GPR139: variants seen among roughly 807,000 people sequenced by gnomAD.
GPR139 encodes the protein probable G protein-coupled receptor 139.
In GPR139, 12 loss-of-function variants were observed where a neutral mutation model predicts 25.8. The ratio of observed to expected loss-of-function variants is 0.47; its 90% CI spans 0.30 to 0.75. The LOEUF (loss-of-function observed/expected upper bound fraction) is 0.75, where lower values mean the gene tolerates loss of function less well. Ranked by LOEUF, GPR139 falls within the 30% of genes least tolerant of loss-of-function variation. GPR139 has a pLI of 0.07. For synonymous variants in GPR139, 184 were observed against 179.9 expected, an observed-to-expected ratio of 1.02 and a Z score of -0.18; for missense variants, 380 against 450.2, an observed-to-expected ratio of 0.84 and a Z score of 1.41.
Position 20,030,843 on chromosome 16 carries a change from A to C in GPR139, c.*892T>G, listed in dbSNP as rs1327282225. On this transcript the variant is annotated 3_prime_UTR_variant, in exon 2 of 2. Coordinates refer to ENST00000570682, the MANE Select transcript of GPR139 (RefSeq NM_001002911.4). ...AAGGAGGCAGGGTTGGCAACTTGAC[A>C]CGTAAAAAGGCTTCTCTAGGAAGCT... Among the ~76,000 whole-genome samples the C allele has an allele frequency of 6.6e-6, 1 of 152,234 alleles. No individual in the cohort carries two copies. The highest frequency in any genetic ancestry group is 1.9e-4 in the East Asian group (1 of 5,186).
intron 1 of GPR139, among the ~76,000 whole-genome samples, chr16:20,056,909 G>A (rs931620874): frequency 1.1e-4 from 16 of 152,196 alleles, no homozygotes; most frequent in Admixed American, 3.9e-4. Flanking sequence ...TAAGTTAGGT[G>A]TGGGGTGTAG....
At chr16:20,062,786 T>C (rs1369154164) in intron 1 of GPR139, among the ~76,000 whole-genome samples, 1 of 152,242 alleles carries the variant, frequency 6.6e-6, no homozygotes, top group Non-Finnish European at 1.5e-5. Flanking sequence ...AGAAGATAAT[T>C]TTAACAATAT....
intron 1 of GPR139, among the ~76,000 whole-genome samples, chr16:20,043,862 G>A (rs2057344985): frequency 6.6e-6 from 1 of 152,184 alleles, no homozygotes; most frequent in African/African-American, 2.4e-5. Flanking sequence ...CAAACAATGA[G>A]CAGAGGAGTT....
chr16:20,030,246 G>C lies in GPR139; in HGVS notation c.*1489C>G, dbSNP rs1035877603. On this transcript the variant is annotated 3_prime_UTR_variant, in exon 2 of 2. Coordinates refer to ENST00000570682, the MANE Select transcript of GPR139 (RefSeq NM_001002911.4). ...ACAAAATGCAGTAAAAATCCAGCCT[G>C]AGGAACTAAATATTCCAGGTGGACT... Among the ~76,000 whole-genome samples the C allele has an allele frequency of 2.6e-5, 4 of 152,300 alleles. No individual in the cohort carries two copies. Among genetic ancestry groups the C allele is most frequent in the Non-Finnish European group, 1.5e-5 (1 of 68,026 alleles).
rs141246456 is a variant in GPR139 at position 20,030,380 on chromosome 16, T to TA, written c.*1354dup. Among the ~76,000 whole-genome samples the TA allele has an allele frequency of 0.044, 6,421 of 147,248 alleles. 213 individuals carry two copies. The highest frequency in any genetic ancestry group is 0.16 in the East Asian group (786 of 5,030). On this transcript the variant is annotated 3_prime_UTR_variant, in exon 2 of 2. Coordinates refer to ENST00000570682, the MANE Select transcript of GPR139 (RefSeq NM_001002911.4). ...AATACTGGGAATCTGAGGGAGAAGT[T>TA]AAAAAAAAAAGAAGAAAAAAGAAAC...
chr16:20,030,107 G>C lies in GPR139; in HGVS notation c.*1628C>G, dbSNP rs755830381. Among the ~76,000 whole-genome samples, 1 of 152,222 alleles carries C rather than the reference G, an allele frequency of 6.6e-6. No homozygotes were observed. Among genetic ancestry groups the C allele is most frequent in the South Asian group, 2.1e-4 (1 of 4,834 alleles). ...TATGACCTAAGTTTGTATTGAGTTAGTATTGAGAGCATTGGCTGAAGTTTA... is the reference window on the plus strand; with the variant it reads ...TATGACCTAAGTTTGTATTGAGTTACTATTGAGAGCATTGGCTGAAGTTTA... On this transcript the variant is annotated 3_prime_UTR_variant, in exon 2 of 2. Coordinates refer to ENST00000570682, the MANE Select transcript of GPR139 (RefSeq NM_001002911.4).
intron 1 of GPR139, among the ~76,000 whole-genome samples, chr16:20,040,681 G>A (rs1049448857): frequency 6.6e-6 from 1 of 151,898 alleles, no homozygotes. Flanking sequence ...CACTTCTCTC[G>A]TATTCTCACT....
At chr16:20,053,525 C>A (rs1596468763) in intron 1 of GPR139, among the ~76,000 whole-genome samples, 1 of 152,202 alleles carries the variant, frequency 6.6e-6, no homozygotes, top group East Asian at 1.9e-4. Flanking sequence ...ACAGGCTTGG[C>A]TGGCGTGTGG....
At chr16:20,070,250 G>A (rs984805801) in intron 1 of GPR139, among the ~76,000 whole-genome samples, 8 of 152,138 alleles carry the variant, frequency 5.3e-5, no homozygotes, top group Admixed American at 3.3e-4. Flanking sequence ...GGTGTGGCAG[G>A]GATTAAGTGT....
At chr16:20,055,216 C>T (rs763612233) in intron 1 of GPR139, among the ~76,000 whole-genome samples, 55 of 152,274 alleles carry the variant, frequency 3.6e-4, no homozygotes, top group Admixed American at 7.2e-4. Flanking sequence ...GTTTTCTGTT[C>T]CTGTGTTAGT....
chr16:20,068,141 T>G (rs1205120984), intron 1 of GPR139, among the ~76,000 whole-genome samples: 1 of 149,534 alleles, frequency 6.7e-6, no homozygotes, highest in Non-Finnish European at 1.5e-5. Flanking sequence ...TGAGAAGTGG[T>G]GAACAGGAGA....
chr16:20,052,083 A>G (rs1004436084), intron 1 of GPR139, among the ~76,000 whole-genome samples: 6 of 152,102 alleles, frequency 3.9e-5, no homozygotes, highest in African/African-American at 1.4e-4. Context: ...GCTGAAAGAA[A>G]CCACGGTCTT....
At chr16:20,042,102 A>C (rs2057338563) in intron 1 of GPR139, among the ~76,000 whole-genome samples, 1 of 152,212 alleles carries the variant, frequency 6.6e-6, no homozygotes, top group Non-Finnish European at 1.5e-5. Flanking sequence ...ATGGTGAACA[A>C]GTGAGCTGAT....
chr16:20,037,523 G>C (rs995593613), intron 1 of GPR139, among the ~76,000 whole-genome samples: 1 of 151,984 alleles, frequency 6.6e-6, no homozygotes, highest in African/African-American at 2.4e-5. Context: ...TGTGGGAAAA[G>C]GATTCTAGGC....
At chr16:20,038,369 G>GTTTGTGTGTA (rs4028367) in intron 1 of GPR139, among the ~76,000 whole-genome samples, 1 of 133,252 alleles carries the variant, frequency 7.5e-6, no homozygotes, top group Non-Finnish European at 1.6e-5. Context: ...GTGTGTGTGT[G>GTTTGTGTGTA]TATTCTATAG....
intron 1 of GPR139, among the ~76,000 whole-genome samples, chr16:20,057,934 A>T (rs2057396288): frequency 1.3e-5 from 2 of 152,156 alleles, no homozygotes; most frequent in South Asian, 4.1e-4. Context: ...TTTCATGTGC[A>T]TCTCTGTCTT....
rs1312438258 is a variant in GPR139, at chr16:20,073,711, A to C, written c.-95T>G. On this transcript the variant is annotated 5_prime_UTR_variant, in exon 1 of 2. Coordinates refer to ENST00000570682, the MANE Select transcript of GPR139 (RefSeq NM_001002911.4). The surrounding 1 kb of genome is among the most constrained non-coding windows in gnomAD (Gnocchi z 4.7). ...TGGTGGCGGCGGCGGAGGCAGCGGC[A>C]GCTGGAGCAGCAGCGCCTCTCTCCC... 9.2e-6 allele frequency: 13 copies of C among 1,415,986 alleles called. No homozygotes were observed. Among genetic ancestry groups the C allele is most frequent in the Non-Finnish European group, 9.3e-6 (10 of 1,069,928 alleles). 87.7% of individuals were successfully genotyped at this position (1,415,986 alleles called of 1,614,324 possible).
chr16:20,062,072 A>G (rs1212923608), intron 1 of GPR139, among the ~76,000 whole-genome samples: 1 of 152,212 alleles, frequency 6.6e-6, no homozygotes, highest in Non-Finnish European at 1.5e-5. Context: ...GTTTGAGATC[A>G]GCCTGGGCAA....
intron 1 of GPR139, among the ~76,000 whole-genome samples, chr16:20,060,468 C>T (rs750697743): frequency 2.6e-5 from 4 of 151,538 alleles, no homozygotes; most frequent in East Asian, 1.9e-4. Flanking sequence ...TGTGTATGCA[C>T]GCCTGTGTGT....
Sources: allele counts gnomAD v4.1 joint callset (sites outside exome capture counted in the v4.1 genomes callset), GRCh38; gene constraint gnomAD v4.1.1; non-coding constraint Gnocchi (gnomAD v3.1); transcripts MANE v1.5; gene names NCBI Gene and HGNC (gene_info 2026-07-23, HGNC 2026-07-21).